The following LOC122539214 variants were observed in gnomAD, a reference collection of about 807,000 sequenced individuals.
At chr19:52,686,171 G>T in the LOC122539214 span, among the ~76,000 whole-genome samples, 3 of 152,106 alleles carry the variant, frequency 2.0e-5, no homozygotes, top group African/African-American at 7.2e-5. Context: ...ACTTCTGTAT[G>T]AGGTACCAAA....
chr19:52,671,634 G>A, the LOC122539214 span, among the ~76,000 whole-genome samples: 2 of 152,006 alleles, frequency 1.3e-5, no homozygotes, highest in Non-Finnish European at 2.9e-5. Context: ...GTAGAGGGGT[G>A]GTCCCACTAT....
the LOC122539214 span, among the ~76,000 whole-genome samples, chr19:52,687,396 T>C: frequency 5.8e-5 from 3 of 51,782 alleles, 1 homozygote; most frequent in East Asian, 1.3e-3. Context: ...TATATATAAT[T>C]TATATAGCTA....
the LOC122539214 span, among the ~76,000 whole-genome samples, chr19:52,687,767 G>A: frequency 6.8e-6 from 1 of 146,876 alleles, no homozygotes; most frequent in Non-Finnish European, 1.5e-5. Context: ...CAAGGCTGCA[G>A]TTAGAGGAGA....
the LOC122539214 span, among the ~76,000 whole-genome samples, chr19:52,666,088 C>T: frequency 2.7e-5 from 4 of 148,158 alleles, no homozygotes; most frequent in South Asian, 2.2e-4. Context: ...GGTGTGAACC[C>T]GGGAGGCGGA....
the LOC122539214 span, among the ~76,000 whole-genome samples, chr19:52,673,073 T>G: frequency 6.6e-6 from 1 of 152,026 alleles, no homozygotes; most frequent in African/African-American, 2.4e-5. Context: ...CAAAAAAAAC[T>G]GGATGTGAGC....
At chr19:52,679,071 G>A in the LOC122539214 span, among the ~76,000 whole-genome samples, 1 of 152,098 alleles carries the variant, frequency 6.6e-6, no homozygotes, top group Non-Finnish European at 1.5e-5. Context: ...CTGTTACAGG[G>A]TTGATTCTAC....
At chr19:52,654,442 C>G in the LOC122539214 span, 12 of 800,826 alleles carry the variant, frequency 1.5e-5, no homozygotes, top group Non-Finnish European at 2.3e-5. Flanking sequence ...CAATTAAGTA[C>G]AGATGGTAAA....
At chr19:52,689,938 A>G in the LOC122539214 span, among the ~76,000 whole-genome samples, 1 of 152,126 alleles carries the variant, frequency 6.6e-6, no homozygotes, top group African/African-American at 2.4e-5. Flanking sequence ...CGGAGGAGAG[A>G]CCTGGGGAGC....
the LOC122539214 span, among the ~76,000 whole-genome samples, chr19:52,669,716 A>AAAAG: frequency 6.6e-6 from 1 of 152,180 alleles, no homozygotes; most frequent in Non-Finnish European, 1.5e-5. Context: ...GATGGAAAAG[A>AAAAG]ATAGTAGCCT....
the LOC122539214 span, chr19:52,655,527 A>C: frequency 6.9e-7 from 1 of 1,451,114 alleles, no homozygotes; most frequent in Non-Finnish European, 9.6e-7. Context: ...AGACAAGGGC[A>C]GATTCCTCAC....
the LOC122539214 span, among the ~76,000 whole-genome samples, chr19:52,657,259 C>T: frequency 1.3e-5 from 2 of 152,130 alleles, no homozygotes; most frequent in African/African-American, 2.4e-5. Flanking sequence ...GCTAAAAATA[C>T]AGTAACTAAA....
At chr19:52,655,191 A>C in the LOC122539214 span, 1 of 207,888 alleles carries the variant, frequency 4.8e-6, no homozygotes, top group African/African-American at 2.3e-5. Context: ...TGTCTCAAAA[A>C]ACAAAACAAA....
the LOC122539214 span, among the ~76,000 whole-genome samples, chr19:52,683,826 C>T: frequency 0.11 from 16,939 of 152,144 alleles, 1,310 homozygotes; most frequent in East Asian, 0.39. Context: ...TCCGAGGACA[C>T]CTCAGCATCT....
At chr19:52,676,897 A>C in the LOC122539214 span, among the ~76,000 whole-genome samples, 46 of 136,288 alleles carry the variant, frequency 3.4e-4, no homozygotes, top group Non-Finnish European at 6.5e-4. Context: ...GTGGTGCAAG[A>C]TGTGCTTTGT....
At chr19:52,655,335 C>T in the LOC122539214 span, 65,777 of 423,614 alleles carry the variant, frequency 0.16, 5,878 homozygotes, top group East Asian at 0.3. Context: ...ACGTTCAATT[C>T]TATTAGTCAA....
the LOC122539214 span, among the ~76,000 whole-genome samples, chr19:52,658,399 C>G: frequency 6.6e-6 from 1 of 152,134 alleles, no homozygotes. Context: ...AATTTCATCT[C>G]TACCAAAAAT....
At chr19:52,667,360 T>C in the LOC122539214 span, among the ~76,000 whole-genome samples, 2 of 152,134 alleles carry the variant, frequency 1.3e-5, no homozygotes, top group East Asian at 1.9e-4. Flanking sequence ...TTGAGGCATG[T>C]TGAAGAATTG....
At chr19:52,686,304 C>G in the LOC122539214 span, among the ~76,000 whole-genome samples, 3 of 151,846 alleles carry the variant, frequency 2.0e-5, no homozygotes, top group African/African-American at 4.8e-5. Context: ...ACTCTGAGGT[C>G]AACGGGAACT....
chr19:52,664,370 G>A, the LOC122539214 span, among the ~76,000 whole-genome samples: 2 of 151,942 alleles, frequency 1.3e-5, no homozygotes, highest in African/African-American at 4.8e-5. Flanking sequence ...GTGGCATGTA[G>A]CTGTGGTCCC....
Sources: gnomAD v4.1 joint callset for allele counts (sites outside exome capture counted in the v4.1 genomes callset) on GRCh38, gnomAD v4.1.1 for gene constraint, MANE v1.5 for transcripts.